ATP1A2: variants seen among roughly 807,000 people sequenced by gnomAD.
The protein encoded by ATP1A2 is sodium/potassium-transporting ATPase subunit alpha-2.
A neutral mutation model predicts 113.1 loss-of-function variants in ATP1A2; 56 were observed. The observed-to-expected ratio is 0.49, with a 90% CI of 0.40 to 0.62. The LOEUF is 0.62. Ranked by LOEUF, ATP1A2 falls within the 20% of genes least tolerant of loss-of-function variation. The probability of loss-of-function intolerance (pLI) is 0.00; values close to 1 mark genes in which losing one functional copy is unlikely to be tolerated. For synonymous variants in ATP1A2, 490 were observed against 526.8 expected (o/e 0.93, Z 0.96); for missense variants, 712 against 1,357.8 (o/e 0.52, Z 7.47).
chr1:160,136,836 T>C (rs1173168416), intron 19 of ATP1A2, 65 bp from the exon 20 acceptor site: 1 of 1,614,134 alleles, frequency 6.2e-7, no homozygotes, highest in Non-Finnish European at 8.5e-7. Flanking sequence ...GGAGAAACCA[T>C]GCTACCTTCT....
At position 160,125,186 on chromosome 1, in the gene ATP1A2, C is replaced by G. The variant is rs771930383; in HGVS notation, c.681C>G (p.Pro227=). The G allele has an allele frequency of 6.2e-7, 1 of 1,614,134 alleles. No homozygotes were observed. The highest frequency in any genetic ancestry group is 8.5e-7 in the Non-Finnish European group (1 of 1,180,026). Residue 227 remains proline (P), a synonymous_variant, in exon 7 of 23, where the codon CCC becomes CCG. Coordinates refer to ENST00000361216, the MANE Select transcript of ATP1A2 (RefSeq NM_000702.4). Reference sequence around the variant, plus strand: ...AGTCGGAGCCCCAGACCCGCTCCCCCGAGTTCACCCATGAGAACCCCCTGG... The same window carrying G: ...AGTCGGAGCCCCAGACCCGCTCCCCGGAGTTCACCCATGAGAACCCCCTGG... The part of the protein sequence containing the change: ...TGESEPQTRS[P]EFTHENPLET...
chr1:160,127,971 CT>C, intron 8 of ATP1A2, 151 bp downstream of exon 8: 1 of 1,163,290 alleles, frequency 8.6e-7, no homozygotes, highest in Non-Finnish European at 1.2e-6. Context: ...TAATACATGG[CT>C]TAGGGTATGA....
chr1:160,133,271 C>T (rs180919577), intron 13 of ATP1A2, among the ~76,000 whole-genome samples: 304 of 152,130 alleles, frequency 2.0e-3, no homozygotes, highest in Admixed American at 4.0e-3. Context: ...AGGATGAGGA[C>T]GGCAAAGACA....
intron 20 of ATP1A2, among the ~76,000 whole-genome samples, chr1:160,138,829 C>CAA (rs66566094): frequency 2.2e-4 from 33 of 149,652 alleles, no homozygotes; most frequent in Non-Finnish European, 2.1e-4. Flanking sequence ...GACTCTGTCT[C>CAA]AGAAAAAAAA....
chr1:160,122,591 A>ATT (rs1651449068), intron 3 of ATP1A2, among the ~76,000 whole-genome samples: 1 of 152,116 alleles, frequency 6.6e-6, no homozygotes, highest in Non-Finnish European at 1.5e-5. Context: ...GGGCTGAGGG[A>ATT]ATAGGGCCAG....
chr1:160,116,854 G>T (rs1393527370), intron 1 of ATP1A2, among the ~76,000 whole-genome samples: 2 of 152,194 alleles, frequency 1.3e-5, no homozygotes, highest in Non-Finnish European at 2.9e-5. Context: ...ATTGCACCTA[G>T]TTGAGCAGCT....
chr1:160,116,378 A>G (rs1212788784), intron 1 of ATP1A2, among the ~76,000 whole-genome samples: 1 of 151,978 alleles, frequency 6.6e-6, no homozygotes, highest in Admixed American at 6.5e-5. Flanking sequence ...TCCGGACACC[A>G]GCTCCAGGGG....
intron 1 of ATP1A2, among the ~76,000 whole-genome samples, chr1:160,116,417 G>C (rs555873690): frequency 2.0e-5 from 3 of 151,782 alleles, no homozygotes; most frequent in South Asian, 4.1e-4. Context: ...GCTGGGCGGG[G>C]TGTGGGGAGG....
At chr1:160,122,616 G>A (rs1381489328) in intron 3 of ATP1A2, among the ~76,000 whole-genome samples, 2 of 152,144 alleles carry the variant, frequency 1.3e-5, no homozygotes, top group African/African-American at 4.8e-5. Context: ...GGCTTTCTGT[G>A]GAAAGTGACA....
At chr1:160,128,901 A>T in intron 9 of ATP1A2, 51 bp downstream of exon 9, 1 of 1,610,626 alleles carries the variant, frequency 6.2e-7, no homozygotes, top group Non-Finnish European at 8.5e-7. Flanking sequence ...GGCTGAGGGC[A>T]GTGGCGTGGT....
chr1:160,135,648 CG>C lies in ATP1A2; in HGVS notation c.2284+48del. On this transcript the variant is annotated intron_variant, in intron 16 of 22. Coordinates refer to ENST00000361216, the MANE Select transcript of ATP1A2 (RefSeq NM_000702.4). This position sits in a 1 kb window ranked among gnomAD's most constrained non-coding sequence, Gnocchi z 6.3. Reference sequence around the variant, plus strand: ...GGGATGGTTTGCAGGATACTGAAGCCGGCACCTCTGTTCCCTGTCCCTTTAC... The same window carrying C: ...GGGATGGTTTGCAGGATACTGAAGCCGCACCTCTGTTCCCTGTCCCTTTAC... The C allele has an allele frequency of 6.2e-7, 1 of 1,612,452 alleles. No individual in the cohort carries two copies. The highest frequency in any genetic ancestry group is 8.5e-7 in the Non-Finnish European group (1 of 1,179,960).
chr1:160,133,060 C>T (rs1055097699), intron 13 of ATP1A2, among the ~76,000 whole-genome samples: 2 of 151,914 alleles, frequency 1.3e-5, no homozygotes, highest in African/African-American at 4.8e-5. Context: ...TGGAGAAGGT[C>T]GGTGTTTAAA....
intron 7 of ATP1A2, among the ~76,000 whole-genome samples, chr1:160,126,131 T>G (rs565067164): frequency 6.6e-6 from 1 of 152,286 alleles, no homozygotes; most frequent in East Asian, 1.9e-4. Flanking sequence ...TTCCACTGCT[T>G]GGAATCCATG....
In ATP1A2 at chr1:160,137,066, G is replaced by C. The variant is rs184989974; in HGVS notation, c.2840+35G>C. 4.3e-4 allele frequency: 695 copies of C among 1,613,572 alleles called. 2 individuals carry two copies. The African/African-American group carries it at 6.9e-3, about 16-fold the overall frequency. ...CACCCCCATGGCACCTACCCACCCA[G>C]GCTCTGGGCACACTCACCAACCCAC... On this transcript the variant is annotated intron_variant, in intron 20 of 22. Coordinates refer to ENST00000361216, the MANE Select transcript of ATP1A2 (RefSeq NM_000702.4).
At chr1:160,120,110 T>TCAGATA (rs1651343347) in intron 1 of ATP1A2, among the ~76,000 whole-genome samples, 1 of 152,188 alleles carries the variant, frequency 6.6e-6, no homozygotes, top group Non-Finnish European at 1.5e-5. Context: ...AGATTTACTC[T>TCAGATA]CAGATACAAT....
In ATP1A2 at chr1:160,121,272, G is replaced by C. The variant is rs200558091; in HGVS notation, c.177+21G>C. 5.2e-4 allele frequency: 841 copies of C among 1,614,014 alleles called. 3 individuals are homozygous for C. The African/African-American group carries it at 1.0e-2, about 19-fold the overall frequency. Reference sequence around the variant, plus strand: ...CCAAGGTGAGTGGAGGGGCTTCTAGGGAAGGAACAAAAGAGGCAAGAAAAC... The same window carrying C: ...CCAAGGTGAGTGGAGGGGCTTCTAGCGAAGGAACAAAAGAGGCAAGAAAAC... On this transcript the variant is annotated intron_variant, in intron 3 of 22. Coordinates refer to ENST00000361216, the MANE Select transcript of ATP1A2 (RefSeq NM_000702.4).
intron 3 of ATP1A2, among the ~76,000 whole-genome samples, chr1:160,122,331 G>A (rs2753267): frequency 0.78 from 118,764 of 151,868 alleles, 47,085 homozygotes; most frequent in Admixed American, 0.86. Context: ...TCAAGGGCAG[G>A]GACTTTGTTG....
chr1:160,134,142 CAT>C (rs1491009367), intron 13 of ATP1A2, among the ~76,000 whole-genome samples: 21 of 145,572 alleles, frequency 1.4e-4, no homozygotes, highest in African/African-American at 3.6e-4. Flanking sequence ...CACACACACA[CAT>C]ACCCCACACA....
chr1:160,135,070 G>A lies in ATP1A2; in HGVS notation c.1965-75G>A. ...CAGGGAGCCTGCAGGCTGCGGTGGTGAAGAGAGGCAGGGGGCAGGAGGGGC... is the reference window on the plus strand; with the variant it reads ...CAGGGAGCCTGCAGGCTGCGGTGGTAAAGAGAGGCAGGGGGCAGGAGGGGC... On this transcript the variant is annotated intron_variant, in intron 14 of 22. Transcript: ENST00000361216. This position sits in a 1 kb window ranked among gnomAD's most constrained non-coding sequence, Gnocchi z 6.3. The A allele has an allele frequency of 2.5e-6, 4 of 1,600,684 alleles. No homozygotes were observed. Among genetic ancestry groups the A allele is most frequent in the Non-Finnish European group, 3.4e-6 (4 of 1,171,144 alleles).
Sources: gnomAD v4.1 joint callset for allele counts (sites outside exome capture counted in the v4.1 genomes callset) on GRCh38, gnomAD v4.1.1 for gene constraint, Gnocchi (gnomAD v3.1) non-coding constraint, MANE v1.5 for transcripts, NCBI Gene and HGNC (gene_info 2026-07-23, HGNC 2026-07-21) for gene names.